The following MCUB variants were observed in gnomAD, a reference collection of about 807,000 sequenced individuals.
MCUB encodes mitochondrial calcium uniporter dominant negative subunit beta, also known as calcium uniporter regulatory subunit MCUb, mitochondrial.
In MCUB, 46 loss-of-function variants were observed where a neutral mutation model predicts 41.4. The ratio of observed to expected loss-of-function variants is 1.11; its 90% CI spans 0.88 to 1.42. MCUB has a LOEUF of 1.42. Ranked by LOEUF, MCUB falls within the 40% of genes most tolerant of loss-of-function variation. The pLI is 0.00. For missense variants in MCUB, 403 were observed against 404.9 expected (o/e 1.00, Z 0.04); for synonymous variants, 148 against 148.2 (o/e 1.00, Z 0.01).
chr4:109,681,539 C>T (rs1328168552), intron 4 of MCUB: 3 of 427,988 alleles, frequency 7.0e-6, no homozygotes, highest in Admixed American at 5.3e-5. Flanking sequence ...TTCTTGGCCT[C>T]ACGGATTCTA....
chr4:109,623,625 G>A (rs1728301550), intron 1 of MCUB, among the ~76,000 whole-genome samples: 1 of 152,166 alleles, frequency 6.6e-6, no homozygotes, highest in African/African-American at 2.4e-5. Flanking sequence ...GTGTATTGCT[G>A]CTTTTGGGTG....
At chr4:109,675,772 G>A (rs1729562187) in intron 4 of MCUB, among the ~76,000 whole-genome samples, 1 of 152,160 alleles carries the variant, frequency 6.6e-6, no homozygotes, top group Admixed American at 6.5e-5. Context: ...TTGGCAGTAG[G>A]TTCCTTATAA....
intron 1 of MCUB, among the ~76,000 whole-genome samples, chr4:109,570,378 G>A (rs1726887277): frequency 1.3e-5 from 2 of 152,174 alleles, no homozygotes; most frequent in Non-Finnish European, 2.9e-5. Flanking sequence ...AAATGAATGA[G>A]GTATAAGGAG....
Position 109,660,303 on chromosome 4 carries a change from C to A in MCUB, c.284C>A (p.Ser95Ter). The change falls in exon 3 of 8, where the codon TCA (serine) becomes TAA (stop). Residue 95 changes from serine to a stop codon, truncating the protein, a stop_gained. Coordinates refer to ENST00000394650, the MANE Select transcript of MCUB (RefSeq NM_017918.5). LOFTEE classifies it high-confidence loss of function. ...VVKPMLSTVG[S>*]FLQDLQNEDK... ...AAACCAATGTTGTCAACAGTTGGTT[C>A]ATTCCTTCAGGACCTACAAAATGAA... The A allele has an allele frequency of 6.2e-7, 1 of 1,606,486 alleles. No homozygotes were observed. Among genetic ancestry groups the A allele is most frequent in the Non-Finnish European group, 8.5e-7 (1 of 1,173,282 alleles).
At chr4:109,671,396 AT>A (rs1273138180) in intron 4 of MCUB, among the ~76,000 whole-genome samples, 1 of 151,894 alleles carries the variant, frequency 6.6e-6, no homozygotes, top group African/African-American at 2.4e-5. Flanking sequence ...GTTCTTAGAT[AT>A]TTTGTTAGGT....
chr4:109,674,873 T>C (rs562040829), intron 4 of MCUB, among the ~76,000 whole-genome samples: 438 of 152,382 alleles, frequency 2.9e-3, no homozygotes, highest in African/African-American at 1.0e-2. Flanking sequence ...GTTGCTTATT[T>C]TTTACATAAG....
Position 109,560,418 on chromosome 4 carries a change from G to A in MCUB, c.81G>A (p.Pro27=). Residue 27 remains proline (P), a synonymous_variant, in exon 1 of 8, where the codon CCG becomes CCA. Coordinates refer to ENST00000394650, the MANE Select transcript of MCUB (RefSeq NM_017918.5). ...PGTWRPARPW[P]LPPPPQVLRV... ...CCTGGCGCCCAGCGCGCCCGTGGCCGCTGCCGCCTCCGCCCCAGGTAAGAG... is the reference window on the plus strand; with the variant it reads ...CCTGGCGCCCAGCGCGCCCGTGGCCACTGCCGCCTCCGCCCCAGGTAAGAG... 1 of 1,300,012 alleles carries A rather than the reference G, an allele frequency of 7.7e-7. No individual in the cohort carries two copies. Among genetic ancestry groups the A allele is most frequent in the Non-Finnish European group, 9.8e-7 (1 of 1,025,302 alleles). 80.5% of individuals were successfully genotyped at this position (1,300,012 alleles called of 1,614,324 possible).
At chr4:109,598,598 GAGGGAGACGGT>G (rs1417410000) in intron 1 of MCUB, among the ~76,000 whole-genome samples, 1 of 134,674 alleles carries the variant, frequency 7.4e-6, no homozygotes, top group Non-Finnish European at 1.8e-5. Flanking sequence ...AACAGAGGGA[GAGGGAGACGGT>G]GGGGAGACGG....
intron 1 of MCUB, chr4:109,648,464 C>T (rs78025076): frequency 0.014 from 4,251 of 313,802 alleles, 44 homozygotes; most frequent in Non-Finnish European, 0.019. Flanking sequence ...CAAACGTATT[C>T]TGTTTCTGTT....
At chr4:109,560,468 G>T (rs984021765) in intron 1 of MCUB, 32 bp downstream of exon 1, 10 of 1,064,172 alleles carry the variant, frequency 9.4e-6, no homozygotes, top group South Asian at 3.4e-5. Context: ...TGGGGGTTCG[G>T]GGTAGGCTGG....
intron 1 of MCUB, among the ~76,000 whole-genome samples, chr4:109,599,458 T>C (rs1727677739): frequency 6.6e-6 from 1 of 152,104 alleles, no homozygotes; most frequent in Admixed American, 6.6e-5. Flanking sequence ...TTTTAGAGTA[T>C]CTGAGGCCTT....
Position 109,660,321 on chromosome 4 carries a change from A to G in MCUB, c.302A>G (p.Gln101Arg). Reference protein sequence around the residue: ...STVGSFLQDLQNEDKGIKTAA... With the variant: ...STVGSFLQDLRNEDKGIKTAA... ...GTTGGTTCATTCCTTCAGGACCTAC[A>G]AAATGAAGATAAGGGTATCAAAACT... The change falls in exon 3 of 8, where the codon CAA becomes CGA. Residue 101 changes from glutamine (Q) to arginine (R), a missense_variant. Gln to Arg is a conservative substitution (Grantham distance 43). Coordinates refer to ENST00000394650, the MANE Select transcript of MCUB (RefSeq NM_017918.5). 2 of 1,609,156 alleles carry G rather than the reference A, an allele frequency of 1.2e-6. No homozygotes were observed. Among genetic ancestry groups the G allele is most frequent in the Non-Finnish European group, 1.7e-6 (2 of 1,175,712 alleles).
intron 1 of MCUB, among the ~76,000 whole-genome samples, chr4:109,603,334 T>C (rs1727789410): frequency 6.6e-6 from 1 of 152,182 alleles, no homozygotes; most frequent in African/African-American, 2.4e-5. Flanking sequence ...TGACCTTGAG[T>C]GATCTGCCTG....
In MCUB at chr4:109,654,272, A is replaced by G. The variant is rs189541536; in HGVS notation, c.100-4739A>G. On this transcript the variant is annotated intron_variant, in intron 1 of 7. Coordinates refer to ENST00000394650, the MANE Select transcript of MCUB (RefSeq NM_017918.5). ...TCCTGTGGCCTGAGCCAGCTCTTAAATTACCAGCATAAGATCCCTGTCCTG... is the reference window on the plus strand; with the variant it reads ...TCCTGTGGCCTGAGCCAGCTCTTAAGTTACCAGCATAAGATCCCTGTCCTG... Among the ~76,000 whole-genome samples the G allele has an allele frequency of 2.0e-5, 3 of 152,276 alleles. No individual in the cohort carries two copies. The East Asian group carries it at 5.8e-4, about 29-fold the overall frequency.
intron 1 of MCUB, among the ~76,000 whole-genome samples, chr4:109,633,645 G>A (rs759538491): frequency 6.6e-6 from 1 of 152,180 alleles, no homozygotes; most frequent in African/African-American, 2.4e-5. Flanking sequence ...AGCATTTTAT[G>A]TGTTGATTTG....
chr4:109,582,380 G>C (rs1727200250), intron 1 of MCUB, among the ~76,000 whole-genome samples: 1 of 109,288 alleles, frequency 9.2e-6, no homozygotes, highest in Admixed American at 1.2e-4. Context: ...CCTGTTGTGG[G>C]GTGGGGGGAG....
At chr4:109,622,425 A>C (rs1455770033) in intron 1 of MCUB, among the ~76,000 whole-genome samples, 5 of 152,234 alleles carry the variant, frequency 3.3e-5, no homozygotes, top group Non-Finnish European at 5.9e-5. Context: ...TATGTAAAAT[A>C]ACCAAATTAT....
chr4:109,651,013 A>G (rs1377376608), intron 1 of MCUB, among the ~76,000 whole-genome samples: 1 of 152,210 alleles, frequency 6.6e-6, no homozygotes, highest in Non-Finnish European at 1.5e-5. Context: ...TACTGATAAT[A>G]TTAATTTTGA....
chr4:109,613,036 G>A (rs1320806006), intron 1 of MCUB, among the ~76,000 whole-genome samples: 1 of 151,386 alleles, frequency 6.6e-6, no homozygotes, highest in Non-Finnish European at 1.5e-5. Flanking sequence ...AACCCGGGAG[G>A]CAGAGCTTGC....
Sources: allele counts gnomAD v4.1 joint callset (sites outside exome capture counted in the v4.1 genomes callset), GRCh38; gene constraint gnomAD v4.1.1; transcripts MANE v1.5; gene names NCBI Gene and HGNC (gene_info 2026-07-23, HGNC 2026-07-21).